TIGAR: variants seen among roughly 807,000 people sequenced by gnomAD.
TIGAR encodes fructose-2,6-bisphosphatase TIGAR.
In TIGAR, 7 loss-of-function variants were observed where a neutral mutation model predicts 17.9. The observed-to-expected ratio is 0.39, with a 90% CI of 0.22 to 0.73. The LOEUF is 0.73. Among genes scored for constraint, TIGAR ranks in the 30% least tolerant of loss-of-function variants. TIGAR has a pLI of 0.42. For synonymous variants in TIGAR, 94 were observed against 108.6 expected, an observed-to-expected ratio of 0.87 and a Z score of 0.84; for missense variants, 258 against 327.4, an observed-to-expected ratio of 0.79 and a Z score of 1.64.
rs138831810 is a variant in TIGAR at position 4,358,634 on chromosome 12, TGA to T, written c.*5945_*5946del. Among the ~76,000 whole-genome samples the T allele has an allele frequency of 0.12, 18,154 of 152,084 alleles. 1,468 individuals carry two copies. The highest frequency in any genetic ancestry group is 0.23 in the African/African-American group (9,534 of 41,422). On this transcript the variant is annotated 3_prime_UTR_variant, in exon 6 of 6. Transcript: ENST00000179259. The stretch of plus-strand genomic sequence containing the variant: ...TTATATATAACCCAGAATAAATATC[TGA>T]GTCAGGAAATTTGACATTGATATTG...
rs2120701403 is a variant in TIGAR at position 4,355,000 on chromosome 12, G to A, written c.*2309G>A. Among the ~76,000 whole-genome samples the A allele has an allele frequency of 6.6e-6, 1 of 151,688 alleles. No homozygotes were observed. The highest frequency in any genetic ancestry group is 1.5e-5 in the Non-Finnish European group (1 of 67,922). On this transcript the variant is annotated 3_prime_UTR_variant, in exon 6 of 6. Transcript: ENST00000179259. ...CCTGCCTTGGCCTTCCAAAGTGCTG[G>A]GATTGCAGGCATAAGCCACCGTGCC...
In TIGAR at chr12:4,352,687, G is replaced by A. The variant is rs554356210; in HGVS notation, c.809G>A (p.Arg270His). 28 of 1,598,880 alleles carry A rather than the reference G, an allele frequency of 1.8e-5. No homozygotes were observed. The highest frequency in any genetic ancestry group is 6.7e-5 in the African/African-American group (5 of 74,968). The stretch of plus-strand genomic sequence containing the variant: ...CATCTAAATGGACTGACTGAAACTC[G>A]CTAAGGTTAAATCTGCATCAAAATC... Reference protein sequence around the residue: ...QDHLNGLTETR With the variant: ...QDHLNGLTETH Residue 270 changes from arginine to histidine, a missense_variant, in exon 6 of 6, where the codon CGC becomes CAC. Coordinates refer to ENST00000179259, the MANE Select transcript of TIGAR (RefSeq NM_020375.3).
At chr12:4,350,857 A>G (rs1225243386) in intron 4 of TIGAR, among the ~76,000 whole-genome samples, 1 of 151,958 alleles carries the variant, frequency 6.6e-6, no homozygotes, top group African/African-American at 2.4e-5. Flanking sequence ...AACTATGGTG[A>G]TATATTTATT....
rs937611434 is a variant in TIGAR, at chr12:4,357,798, T to G, written c.*5107T>G. Among the ~76,000 whole-genome samples, 1 of 152,118 alleles carries G rather than the reference T, an allele frequency of 6.6e-6. No homozygotes were observed. Among genetic ancestry groups the G allele is most frequent in the Non-Finnish European group, 1.5e-5 (1 of 68,002 alleles). On this transcript the variant is annotated 3_prime_UTR_variant, in exon 6 of 6. Transcript: ENST00000179259. ...GTTCAAGGCCTGGTTCTTAGTAATT[T>G]TGTGACCAAGCAATCGCTGAGGTGG... is the stretch of plus-strand genomic sequence containing the variant.
intron 1 of TIGAR, among the ~76,000 whole-genome samples, chr12:4,328,808 C>T (rs928701430): frequency 2.0e-5 from 3 of 152,022 alleles, no homozygotes; most frequent in African/African-American, 7.2e-5. Flanking sequence ...AACTCCTGAC[C>T]TCGTGATCTG....
chr12:4,341,387 A>T (rs1469208038), intron 3 of TIGAR, among the ~76,000 whole-genome samples: 1 of 152,164 alleles, frequency 6.6e-6, no homozygotes, highest in East Asian at 1.9e-4. Flanking sequence ...CTTTGAAGAG[A>T]GTAGTCGTTC....
intron 1 of TIGAR, chr12:4,324,565 T>C (rs1213252661): frequency 3.1e-6 from 5 of 1,605,708 alleles, no homozygotes; most frequent in Non-Finnish European, 4.2e-6. Flanking sequence ...GATGATCATG[T>C]CCCGCAGGTG....
intron 3 of TIGAR, among the ~76,000 whole-genome samples, chr12:4,340,510 A>G (rs1591663011): frequency 6.6e-6 from 1 of 152,232 alleles, no homozygotes; most frequent in Admixed American, 6.5e-5. Context: ...ATTTCTATCA[A>G]AATACCAATG....
chr12:4,352,750 T>C lies in TIGAR; in HGVS notation c.*59T>C. 1 of 1,495,714 alleles carries C rather than the reference T, an allele frequency of 6.7e-7. No homozygotes were observed. Among genetic ancestry groups the C allele is most frequent in the Admixed American group, 2.0e-5 (1 of 50,070 alleles). The allele number at this position is 1,495,714 out of a possible 1,614,324, so 92.7% of individuals were successfully genotyped here. Reference sequence around the variant, plus strand: ...GCCTCTGAAGGGAGTGCCATTGGCTTTATTTACTTCTCTCCTCTGCTAGTT... The same window carrying C: ...GCCTCTGAAGGGAGTGCCATTGGCTCTATTTACTTCTCTCCTCTGCTAGTT... On this transcript the variant is annotated 3_prime_UTR_variant, in exon 6 of 6. Transcript: ENST00000179259.
At position 4,356,736 on chromosome 12, in the gene TIGAR, A is replaced by G. The variant is rs1864906633; in HGVS notation, c.*4045A>G. 6.6e-6 allele frequency among the ~76,000 whole-genome samples: 1 copy of G among 152,022 alleles called. No individual in the cohort carries two copies. ...CCTAAAAGTCCTCTGTGTTCCCTGT[A>G]CTCATCTTTCCCACCTTGTCTTGCC... On this transcript the variant is annotated 3_prime_UTR_variant, in exon 6 of 6. Transcript: ENST00000179259.
At chr12:4,324,425 A>G in intron 1 of TIGAR, 2 of 1,471,618 alleles carry the variant, frequency 1.4e-6, no homozygotes. Flanking sequence ...CCGGGCCGGC[A>G]GTGCTTCACC....
intron 1 of TIGAR, among the ~76,000 whole-genome samples, chr12:4,327,676 T>C (rs990530638): frequency 1.3e-5 from 2 of 152,216 alleles, no homozygotes; most frequent in African/African-American, 4.8e-5. Flanking sequence ...AATTAAGGGC[T>C]ACAAGCCACT....
At chr12:4,343,402 C>G (rs1295149362) in intron 3 of TIGAR, among the ~76,000 whole-genome samples, 2 of 152,234 alleles carry the variant, frequency 1.3e-5, no homozygotes, top group African/African-American at 4.8e-5. Context: ...ATCTACAGAA[C>G]TCTCCACCCC....
At position 4,352,765 on chromosome 12, in the gene TIGAR, C is replaced by A; in HGVS notation, c.*74C>A. On this transcript the variant is annotated 3_prime_UTR_variant, in exon 6 of 6. Coordinates refer to ENST00000179259, the MANE Select transcript of TIGAR (RefSeq NM_020375.3). Reference sequence around the variant, plus strand: ...GCCATTGGCTTTATTTACTTCTCTCCTCTGCTAGTTCTGATTTGGAAACAG... The same window carrying A: ...GCCATTGGCTTTATTTACTTCTCTCATCTGCTAGTTCTGATTTGGAAACAG... 2 of 1,427,858 alleles carry A rather than the reference C, an allele frequency of 1.4e-6. No individual in the cohort carries two copies. Among genetic ancestry groups the A allele is most frequent in the Non-Finnish European group, 9.4e-7 (1 of 1,065,064 alleles). 88.4% of individuals were successfully genotyped at this position (1,427,858 alleles called of 1,614,324 possible). A position where few individuals can be genotyped will look rare whatever the true frequency, so the allele number is the denominator to read the frequency against.
At chr12:4,351,131 A>C (rs1231486955) in intron 4 of TIGAR, 136 bp from the exon 5 acceptor site, 3 of 729,244 alleles carry the variant, frequency 4.1e-6, no homozygotes, top group Non-Finnish European at 6.9e-6. Context: ...TTATCAGTTC[A>C]GAGGAGATAG....
At chr12:4,324,575 G>A (rs970245956) in intron 1 of TIGAR, 87 of 1,603,224 alleles carry the variant, frequency 5.4e-5, no homozygotes, top group Non-Finnish European at 6.3e-5. Flanking sequence ...TCCCGCAGGT[G>A]CGTCTTCACC....
Position 4,356,510 on chromosome 12 carries a change from TCTC to T in TIGAR, c.*3822_*3824del, listed in dbSNP as rs1299382539. On this transcript the variant is annotated 3_prime_UTR_variant, in exon 6 of 6. Transcript: ENST00000179259. ...CCCCTGCCCCTACACACGCATTGCT[TCTC>T]CTACTATCAACATCCCCCACCAGAC... is the stretch of plus-strand genomic sequence containing the variant. Among the ~76,000 whole-genome samples the T allele has an allele frequency of 2.0e-5, 3 of 152,048 alleles. No homozygotes were observed. The highest frequency in any genetic ancestry group is 4.8e-5 in the African/African-American group (2 of 41,388).
In TIGAR at chr12:4,358,153, A is replaced by G. The variant is rs2358726; in HGVS notation, c.*5462A>G. On this transcript the variant is annotated 3_prime_UTR_variant, in exon 6 of 6. Coordinates refer to ENST00000179259, the MANE Select transcript of TIGAR (RefSeq NM_020375.3). ...GATAAATAATGGGCTGTGCATGGTG[A>G]CTCAGGCCTGTAATCCCAGCACTTT... 0.97 allele frequency among the ~76,000 whole-genome samples: 145,083 copies of G among 149,974 alleles called. 70,366 individuals carry two copies. The highest frequency in any genetic ancestry group is 1 in the East Asian group (5,069 of 5,070).
chr12:4,340,639 TC>T (rs1420063538), intron 3 of TIGAR, among the ~76,000 whole-genome samples: 2 of 152,128 alleles, frequency 1.3e-5, no homozygotes, highest in Non-Finnish European at 2.9e-5. Context: ...GTACCTGACT[TC>T]AAATTATACA....
Sources: gnomAD v4.1 joint callset for allele counts (sites outside exome capture counted in the v4.1 genomes callset) on GRCh38, gnomAD v4.1.1 for gene constraint, MANE v1.5 for transcripts, NCBI Gene and HGNC (gene_info 2026-07-23, HGNC 2026-07-21) for gene names.